The following PTGS2 variants were observed in gnomAD, a reference collection of about 807,000 sequenced individuals.
The protein encoded by PTGS2 is prostaglandin G/H synthase 2.
Under a neutral mutation model 63.8 loss-of-function variants are expected in PTGS2, and 14 were observed. The observed-to-expected ratio is 0.22, with a 90% CI of 0.14 to 0.34. The LOEUF is 0.34. Ranked by LOEUF, PTGS2 falls within the 10% of genes least tolerant of loss-of-function variation. PTGS2 has a pLI of 1.00. For synonymous variants in PTGS2, 271 were observed against 259.5 expected, an observed-to-expected ratio of 1.04 and a Z score of -0.43; for missense variants, 533 against 738.5, an observed-to-expected ratio of 0.72 and a Z score of 3.23.
At position 186,679,386 on chromosome 1, in the gene PTGS2, C is replaced by T. The variant is rs1303859793; in HGVS notation, c.105G>A (p.Val35=). 1.9e-6 allele frequency: 3 copies of T among 1,614,168 alleles called. No homozygotes were observed. The highest frequency in any genetic ancestry group is 2.5e-6 in the Non-Finnish European group (3 of 1,180,024). Residue 35 remains valine, a synonymous_variant, in exon 2 of 10, where the codon GTG becomes GTA. Transcript: ENST00000367468. ...PCQNRGVCMS[V]GFDQYKCDCT... is the part of the protein sequence containing the mutation. Reference sequence around the variant, plus strand: ...AATCGCACTTATACTGGTCAAATCCCACACTCATACATACACCTCGGTTTT... The same window carrying T: ...AATCGCACTTATACTGGTCAAATCCTACACTCATACATACACCTCGGTTTT...
Position 186,680,296 on chromosome 1 carries a change from C to A in PTGS2, c.-6G>T. The A allele has an allele frequency of 6.5e-7, 1 of 1,540,222 alleles. No individual in the cohort carries two copies. The highest frequency in any genetic ancestry group is 1.2e-5 in the South Asian group (1 of 83,382). The stretch of plus-strand genomic sequence containing the variant: ...AGCAGGGCGCGGGCGAGCATCGCAG[C>A]GGCGGGCAGGGCGCGGCGCGGGGGT... On this transcript the variant is annotated 5_prime_UTR_variant, in exon 1 of 10. Coordinates refer to ENST00000367468, the MANE Select transcript of PTGS2 (RefSeq NM_000963.4).
rs4648302 is a variant in PTGS2 at position 186,672,086 on chromosome 1, C to T, written c.*2267G>A. On this transcript the variant is annotated 3_prime_UTR_variant, in exon 10 of 10. Coordinates refer to ENST00000367468, the MANE Select transcript of PTGS2 (RefSeq NM_000963.4). ...TAAACGTAAAATTGTAAAGAAGATT[C>T]TCCTGAGTTATCTTTAATGATATTT... 6.6e-6 allele frequency: 1 copy of T among 151,982 alleles called. No individual in the cohort carries two copies. Among genetic ancestry groups the T allele is most frequent in the African/African-American group, 2.4e-5 (1 of 41,492 alleles). 9.4% of individuals were successfully genotyped at this position (151,982 alleles called of 1,614,324 possible).
In PTGS2 at chr1:186,674,561, A is replaced by G; in HGVS notation, c.1607T>C (p.Phe536Ser). Residue 536 changes from phenylalanine (F) to serine (S), a missense_variant, in exon 10 of 10, where the codon TTT (phenylalanine) becomes TCT (serine). By Grantham distance (155) the Phe-to-Ser change is radical (BLOSUM62 -2). Transcript: ENST00000367468. Reference protein sequence around the residue: ...CSPAYWKPSTFGGEVGFQIIN... With the variant: ...CSPAYWKPSTSGGEVGFQIIN... ...GATTTGAAAACCCACTTCTCCACCA[A>G]AAGTGCTTGGCTTCCAGTAGGCAGG... 1 of 1,614,176 alleles carries G rather than the reference A, an allele frequency of 6.2e-7. No individual in the cohort carries two copies. Among genetic ancestry groups the G allele is most frequent in the Non-Finnish European group, 8.5e-7 (1 of 1,180,012 alleles).
Position 186,676,847 on chromosome 1 carries a change from T to A in PTGS2, c.709A>T (p.Lys237Ter). ...AGGAAGCATACCTGATATTTCATTT[T>A]TCCATCCTTGAAAAGGCGCAGTTTA... Reference protein sequence around the residue: ...QRKLRLFKDGKMKYQIIDGEM... With the variant: ...QRKLRLFKDG Residue 237 changes from lysine to a stop codon, truncating the protein, a stop_gained, in exon 6 of 10, where the codon AAA (lysine) becomes TAA (stop). Transcript: ENST00000367468. LOFTEE classifies it high-confidence loss of function. 1.9e-6 allele frequency: 3 copies of A among 1,610,584 alleles called. No homozygotes were observed. Among genetic ancestry groups the A allele is most frequent in the Non-Finnish European group, 2.5e-6 (3 of 1,178,738 alleles).
rs200883517 is a variant in PTGS2 at position 186,672,213 on chromosome 1, A to G, written c.*2140T>C. ...TTGATTTAAAAATATTAAAACCCAC[A>G]GTGCTTGACACAGAATATTTTCTCA... On this transcript the variant is annotated 3_prime_UTR_variant, in exon 10 of 10. Transcript: ENST00000367468. The G allele has an allele frequency of 5.9e-5, 9 of 152,152 alleles. No individual in the cohort carries two copies. Among genetic ancestry groups the G allele is most frequent in the African/African-American group, 2.2e-4 (9 of 41,474 alleles). The allele number at this position is 152,152 out of a possible 1,614,324, so 9.4% of individuals were successfully genotyped here. A position where few individuals can be genotyped will look rare whatever the true frequency, so the allele number is the denominator to read the frequency against.
intron 5 of PTGS2, 48 bp downstream of exon 5, chr1:186,677,601 A>G: frequency 1.3e-6 from 2 of 1,483,310 alleles, no homozygotes; most frequent in African/African-American, 2.8e-5. Flanking sequence ...GCCCTTGACT[A>G]TGATTTGGTA....
In PTGS2 at chr1:186,680,324, G is replaced by T; in HGVS notation, c.-34C>A. ...CGGGCAGGGCGCGGCGCGGGGGTAGGCTTTGCTGTCTGAGGGCGTCTGGCT... is the reference window on the plus strand; with the variant it reads ...CGGGCAGGGCGCGGCGCGGGGGTAGTCTTTGCTGTCTGAGGGCGTCTGGCT... On this transcript the variant is annotated 5_prime_UTR_variant, in exon 1 of 10. Transcript: ENST00000367468. 1 of 1,513,130 alleles carries T rather than the reference G, an allele frequency of 6.6e-7. No homozygotes were observed. Among genetic ancestry groups the T allele is most frequent in the Non-Finnish European group, 8.9e-7 (1 of 1,124,988 alleles). 93.7% of individuals were successfully genotyped at this position (1,513,130 alleles called of 1,614,324 possible).
intron 3 of PTGS2, 50 bp from the exon 4 acceptor site, chr1:186,678,454 A>T (rs776793772): frequency 3.3e-5 from 49 of 1,480,556 alleles, no homozygotes; most frequent in Non-Finnish European, 4.5e-5. Flanking sequence ...TTTGTTAAGT[A>T]AATCAACCAT....
rs775214168 is a variant in PTGS2 at position 186,679,448 on chromosome 1, A to G, written c.53-10T>C. The G allele has an allele frequency of 1.9e-6, 3 of 1,575,974 alleles. No individual in the cohort carries two copies. Among genetic ancestry groups the G allele is most frequent in the Non-Finnish European group, 2.6e-6 (3 of 1,145,722 alleles). ...GAACAGCAAGGATTTGCTGCAATTA[A>G]AGGACAGCAAATAAATCATTCTCTA... is the stretch of plus-strand genomic sequence containing the variant. On this transcript the variant is annotated splice_polypyrimidine_tract_variant and intron_variant, in intron 1 of 9. Transcript: ENST00000367468.
At chr1:186,680,209 A>C (rs1665853023) in intron 1 of PTGS2, 30 bp downstream of exon 1, 6 of 1,549,762 alleles carry the variant, frequency 3.9e-6, no homozygotes, top group Non-Finnish European at 5.2e-6. Flanking sequence ...GTGGAACCGG[A>C]GTCCCCGGTG....
At chr1:186,676,763 C>T in intron 6 of PTGS2, 50 bp from the exon 7 acceptor site, 1 of 1,596,598 alleles carries the variant, frequency 6.3e-7, no homozygotes, top group African/African-American at 1.4e-5. Flanking sequence ...TTAAGGAACA[C>T]ATTTTTAGGG....
chr1:186,679,482 A>C, intron 1 of PTGS2, 44 bp from the exon 2 acceptor site: 1 of 1,370,270 alleles, frequency 7.3e-7, no homozygotes, highest in Non-Finnish European at 1.0e-6. Context: ...TAGTGTCTTA[A>C]TCTTAATTTA....
At chr1:186,679,861 G>A (rs1665845825) in intron 1 of PTGS2, among the ~76,000 whole-genome samples, 1 of 152,088 alleles carries the variant, frequency 6.6e-6, no homozygotes, top group Non-Finnish European at 1.5e-5. Context: ...CTGGGAGCAG[G>A]AAAGAACTGA....
rs749953403 is a variant in PTGS2 at position 186,675,379 on chromosome 1, A to G, written c.1275T>C (p.Asn425=). ...ATACTTTCTGTACTGCGGGTGGAAC[A>G]TTCCTACCACCAGCAACCTGTGGAA... ...QIAGRVAGGR[N]VPPAVQKVSQ... Residue 425 remains asparagine, a synonymous_variant, in exon 9 of 10, where the codon AAT becomes AAC. Transcript: ENST00000367468. The G allele has an allele frequency of 6.2e-7, 1 of 1,612,024 alleles. No homozygotes were observed. Among genetic ancestry groups the G allele is most frequent in the South Asian group, 1.1e-5 (1 of 90,358 alleles).
At chr1:186,679,286 C>T (rs1340454345) in intron 2 of PTGS2, 36 bp downstream of exon 2, 2 of 1,612,972 alleles carry the variant, frequency 1.2e-6, no homozygotes, top group Non-Finnish European at 1.7e-6. Context: ...TGTATCCAGC[C>T]CCACTCCTAA....
At position 186,674,469 on chromosome 1, in the gene PTGS2, T is replaced by C. The variant is rs201606460; in HGVS notation, c.1699A>G (p.Ser567Gly). The C allele has an allele frequency of 6.2e-7, 1 of 1,614,176 alleles. No individual in the cohort carries two copies. Among genetic ancestry groups the C allele is most frequent in the Non-Finnish European group, 8.5e-7 (1 of 1,180,028 alleles). Residue 567 changes from serine (S) to glycine (G), a missense_variant, in exon 10 of 10, where the codon AGT (serine) becomes GGT (glycine). Around this residue, in one of 5 missense-constraint regions of PTGS2, gnomAD observed 219 missense variants for 267.4 expected, o/e 0.82. Coordinates refer to ENST00000367468, the MANE Select transcript of PTGS2 (RefSeq NM_000963.4). ...NVKGCPFTSF[S>G]VPDPELIKTV... ...TTAATGAGCTCTGGATCTGGAACACTGAATGAAGTAAAGGGACAGCCCTTC... is the reference window on the plus strand; with the variant it reads ...TTAATGAGCTCTGGATCTGGAACACCGAATGAAGTAAAGGGACAGCCCTTC...
At chr1:186,676,751 A>C in intron 6 of PTGS2, 38 bp from the exon 7 acceptor site, 5 of 1,599,546 alleles carry the variant, frequency 3.1e-6, no homozygotes, top group South Asian at 1.1e-5. Context: ...TCAGTTAAAA[A>C]GTTAAGGAAC....
chr1:186,677,567 A>G, intron 5 of PTGS2, 82 bp downstream of exon 5: 1 of 1,293,120 alleles, frequency 7.7e-7, no homozygotes. Context: ...GGATCTATCT[A>G]TCTGTATATC....
chr1:186,679,051 T>TA lies in PTGS2; in HGVS notation c.313+6dup. On this transcript the variant is annotated splice_region_variant and intron_variant, in intron 3 of 9. Coordinates refer to ENST00000367468, the MANE Select transcript of PTGS2 (RefSeq NM_000963.4). ...GCTAAAAACCTTAGAAAGACACTTG[T>TA]ACTTACATGTCAACACATAACTCAT... is the stretch of plus-strand genomic sequence containing the variant. 6.2e-7 allele frequency: 1 copy of TA among 1,611,354 alleles called. No homozygotes were observed. The highest frequency in any genetic ancestry group is 8.5e-7 in the Non-Finnish European group (1 of 1,179,160).
Sources: allele counts gnomAD v4.1 joint callset (sites outside exome capture counted in the v4.1 genomes callset), GRCh38; gene constraint gnomAD v4.1.1; regional missense constraint gnomAD v4.1.1; transcripts MANE v1.5; gene names NCBI Gene and HGNC (gene_info 2026-07-23, HGNC 2026-07-21).